The following GRM5 variants were observed in gnomAD, a reference collection of about 807,000 sequenced individuals.
GRM5 encodes metabotropic glutamate receptor 5.
A neutral mutation model predicts 83.1 loss-of-function variants in GRM5; 19 were observed. That is an observed-to-expected ratio of 0.23 (90% CI 0.16 to 0.34). The LOEUF (loss-of-function observed/expected upper bound fraction) is 0.34. GRM5 is among the 10% of genes least tolerant of loss of function. The pLI is 1.00. For synonymous variants in GRM5, 675 were observed against 633.6 expected, an observed-to-expected ratio of 1.07 and a Z score of -0.98; for missense variants, 1,160 against 1,588.3, an observed-to-expected ratio of 0.73 and a Z score of 4.58.
chr11:89,056,842 A>G (rs527555320), intron 1 of GRM5, among the ~76,000 whole-genome samples: 1 of 152,316 alleles, frequency 6.6e-6, no homozygotes, highest in South Asian at 2.1e-4. Flanking sequence ...ACTCAGTGTT[A>G]TATTTGTGGG....
chr11:88,614,697 C>A (rs553354805), intron 4 of GRM5, among the ~76,000 whole-genome samples: 1 of 152,216 alleles, frequency 6.6e-6, no homozygotes, highest in Admixed American at 6.6e-5. Context: ...CATAATTTTG[C>A]ATGTATCTGA....
chr11:89,037,799 A>G (rs1941427684), intron 2 of GRM5, among the ~76,000 whole-genome samples: 1 of 152,158 alleles, frequency 6.6e-6, no homozygotes, highest in African/African-American at 2.4e-5. Context: ...ATTCATGTGT[A>G]TCGGTTACAT....
At chr11:88,957,830 TAG>T (rs1309208058) in intron 2 of GRM5, among the ~76,000 whole-genome samples, 1 of 152,094 alleles carries the variant, frequency 6.6e-6, no homozygotes, top group African/African-American at 2.4e-5. Flanking sequence ...AAAATGTAAA[TAG>T]AGTTTACAAA....
intron 3 of GRM5, among the ~76,000 whole-genome samples, chr11:88,835,214 A>T (rs1944072073): frequency 6.6e-6 from 1 of 152,224 alleles, no homozygotes; most frequent in Non-Finnish European, 1.5e-5. Flanking sequence ...GTCTTACGTG[A>T]TAAACCTGAT....
intron 1 of GRM5, among the ~76,000 whole-genome samples, chr11:89,059,507 T>C (rs1941944683): frequency 6.6e-6 from 1 of 152,150 alleles, no homozygotes; most frequent in South Asian, 2.1e-4. Context: ...TCATAAAAGT[T>C]TGGAAATCAG....
At chr11:88,865,680 C>T (rs1944650481) in intron 2 of GRM5, among the ~76,000 whole-genome samples, 1 of 151,304 alleles carries the variant, frequency 6.6e-6, no homozygotes, top group South Asian at 2.1e-4. Context: ...GGACTAATAT[C>T]GAGAATCTAC....
At chr11:88,562,414 C>T (rs746555323) in intron 8 of GRM5, among the ~76,000 whole-genome samples, 23 of 152,064 alleles carry the variant, frequency 1.5e-4, no homozygotes, top group Non-Finnish European at 2.9e-4. Flanking sequence ...GTATTCTCAC[C>T]GTGCAGGACC....
chr11:88,595,370 T>G (rs1251166320), intron 6 of GRM5, among the ~76,000 whole-genome samples: 2 of 152,098 alleles, frequency 1.3e-5, no homozygotes, highest in African/African-American at 4.8e-5. Flanking sequence ...TGATTTTGCT[T>G]CCTTTAACAA....
chr11:88,646,819 GTTCTGACTGCAAAATTC>G (rs1422257142), intron 4 of GRM5, among the ~76,000 whole-genome samples: 2 of 150,548 alleles, frequency 1.3e-5, no homozygotes, highest in African/African-American at 4.9e-5. Context: ...ATACTTGCAG[GTTCTGACTGCAAAATTC>G]AGTTTGAGGA....
At chr11:88,597,400 C>T in intron 5 of GRM5, 48 bp from the exon 6 acceptor site, 1 of 1,037,506 alleles carries the variant, frequency 9.6e-7, no homozygotes, top group Non-Finnish European at 1.4e-6. Flanking sequence ...TGTAAATACT[C>T]AGCTTTGAAA....
chr11:88,522,603 C>CTGTGTG (rs55777647), intron 9 of GRM5, among the ~76,000 whole-genome samples: 196 of 127,286 alleles, frequency 1.5e-3, no homozygotes, highest in South Asian at 3.5e-3. Flanking sequence ...CTCTCTCTCT[C>CTGTGTG]TGTGTGTGTG....
intron 2 of GRM5, among the ~76,000 whole-genome samples, chr11:88,930,111 A>G (rs1437484619): frequency 2.0e-5 from 3 of 152,120 alleles, no homozygotes; most frequent in Non-Finnish European, 4.4e-5. Context: ...GTAAGTAAAG[A>G]AAAGTGATAA....
chr11:88,777,513 C>G (rs1324327650), intron 3 of GRM5, among the ~76,000 whole-genome samples: 1 of 152,154 alleles, frequency 6.6e-6, no homozygotes, highest in Non-Finnish European at 1.5e-5. Flanking sequence ...GGAGAAGGGG[C>G]ACTCTGATTT....
chr11:88,892,934 C>T (rs1234822475), intron 2 of GRM5, among the ~76,000 whole-genome samples: 1 of 151,938 alleles, frequency 6.6e-6, no homozygotes, highest in Non-Finnish European at 1.5e-5. Flanking sequence ...TTCATAGACT[C>T]CCCAAAGGGA....
intron 3 of GRM5, among the ~76,000 whole-genome samples, chr11:88,756,258 T>C (rs11604767): frequency 0.5 from 75,387 of 152,006 alleles, 22,635 homozygotes; most frequent in Non-Finnish European, 0.7. Flanking sequence ...ATCATATAAA[T>C]CATGTATTTC....
intron 3 of GRM5, among the ~76,000 whole-genome samples, chr11:88,789,528 T>G (rs1943133073): frequency 6.6e-6 from 1 of 152,182 alleles, no homozygotes; most frequent in Non-Finnish European, 1.5e-5. Flanking sequence ...ATTTAGCCAT[T>G]TTTGATATTT....
chr11:89,053,003 C>G lies in GRM5; in HGVS notation c.-200-4931G>C, dbSNP rs777084359. Among the ~76,000 whole-genome samples the G allele has an allele frequency of 2.6e-5, 4 of 152,182 alleles. No individual in the cohort carries two copies. The East Asian group carries it at 7.7e-4, about 29-fold the overall frequency. On this transcript the variant is annotated intron_variant, in intron 1 of 9. Coordinates refer to ENST00000305447, the MANE Select transcript of GRM5 (RefSeq NM_001143831.3). ...TTGACTTTATAACACATTGTTTTAA[C>G]TATTTCTTGCTGCCTCACAGCCCCT... is the stretch of plus-strand genomic sequence containing the variant.
At chr11:88,547,688 G>T (rs867090337) in intron 8 of GRM5, among the ~76,000 whole-genome samples, 2 of 152,158 alleles carry the variant, frequency 1.3e-5, no homozygotes, top group South Asian at 4.2e-4. Flanking sequence ...CTATAATAAG[G>T]CATAGTATGA....
At chr11:88,968,561 C>A (rs1939066838) in intron 2 of GRM5, among the ~76,000 whole-genome samples, 1 of 152,058 alleles carries the variant, frequency 6.6e-6, no homozygotes, top group Non-Finnish European at 1.5e-5. Context: ...TGGTGACTTG[C>A]ACCTGTAGTC....
Sources: gnomAD v4.1 joint callset for allele counts (sites outside exome capture counted in the v4.1 genomes callset) on GRCh38, gnomAD v4.1.1 for gene constraint, MANE v1.5 for transcripts, NCBI Gene and HGNC (gene_info 2026-07-23, HGNC 2026-07-21) for gene names.